The following TFB1M variants were observed in gnomAD, a reference collection of about 807,000 sequenced individuals.
The protein encoded by TFB1M is dimethyladenosine transferase 1, mitochondrial.
In TFB1M, 27 loss-of-function variants were observed where a neutral mutation model predicts 31.1. That is an observed-to-expected ratio of 0.87 (90% CI 0.64 to 1.20). The LOEUF (loss-of-function observed/expected upper bound fraction) is 1.20, where lower values mean the gene tolerates loss of function less well. Among genes scored for constraint, TFB1M ranks in the 50% most tolerant of loss-of-function variants. TFB1M has a pLI of 0.00. For missense variants in TFB1M, 394 were observed against 418.7 expected (o/e 0.94, Z 0.51); for synonymous variants, 166 against 151.8 (o/e 1.09, Z -0.69).
rs755092601 is a variant in TFB1M at position 155,276,084 on chromosome 6, G to C, written c.666+9074C>G. 3.7e-6 allele frequency: 6 copies of C among 1,614,154 alleles called. No homozygotes were observed. The South Asian group carries it at 6.6e-5, about 18-fold the overall frequency. Reference sequence around the variant, plus strand: ...AAGAGCCATGCTTCCTTTGCTGGAGGAGTCTGTTTCATGTCTGCAGGAATC... The same window carrying C: ...AAGAGCCATGCTTCCTTTGCTGGAGCAGTCTGTTTCATGTCTGCAGGAATC... On this transcript the variant is annotated intron_variant, in intron 5 of 6. Coordinates refer to ENST00000367166, the MANE Select transcript of TFB1M (RefSeq NM_016020.4).
chr6:155,261,612 G>A (rs918396163), intron 5 of TFB1M, among the ~76,000 whole-genome samples: 1 of 152,140 alleles, frequency 6.6e-6, no homozygotes, highest in Non-Finnish European at 1.5e-5. Flanking sequence ...TGACGCGCTT[G>A]TGGGAGGTGC....
intron 2 of TFB1M, among the ~76,000 whole-genome samples, chr6:155,308,635 T>G (rs112310751): frequency 0.012 from 1,855 of 152,284 alleles, 32 homozygotes; most frequent in Non-Finnish European, 0.015. Context: ...CTAGACATGT[T>G]TTTCTTACCT....
downstream of TFB1M, chr6:155,254,948 C>A: frequency 1.2e-5 from 2 of 168,792 alleles, no homozygotes; most frequent in South Asian, 1.8e-4. Context: ...CAGAGGGTCT[C>A]CACCTTCTGA....
the TFB1M span, among the ~76,000 whole-genome samples, chr6:155,243,175 G>A: frequency 6.6e-6 from 1 of 152,218 alleles, no homozygotes; most frequent in Non-Finnish European, 1.5e-5. Context: ...CATTAGAGCT[G>A]CAGCTCTGTG....
the TFB1M span, among the ~76,000 whole-genome samples, chr6:155,235,150 T>A: frequency 3.3e-5 from 5 of 152,188 alleles, no homozygotes; most frequent in Non-Finnish European, 7.4e-5. Context: ...TGGAGAGTCA[T>A]GGTAAAGCTG....
At chr6:155,287,404 C>T (rs189968623) in intron 4 of TFB1M, among the ~76,000 whole-genome samples, 12 of 151,562 alleles carry the variant, frequency 7.9e-5, no homozygotes, top group East Asian at 3.9e-4. Context: ...AACATGTGAA[C>T]GAAAAAATAA....
intron 5 of TFB1M, among the ~76,000 whole-genome samples, chr6:155,276,984 T>C (rs777699595): frequency 2.5e-4 from 38 of 152,226 alleles, no homozygotes; most frequent in Non-Finnish European, 3.8e-4. Flanking sequence ...ATATGCAAAC[T>C]AAGATTAGGC....
chr6:155,257,130 A>T lies in TFB1M; in HGVS notation c.*706T>A. On this transcript the variant is annotated 3_prime_UTR_variant, in exon 7 of 7. Transcript: ENST00000367166. ...GCCACGGAAAATCATAGTATGATTC[A>T]ATCCAGATATGGGTTAAATTCCTCA... 1 of 1,613,246 alleles carries T rather than the reference A, an allele frequency of 6.2e-7. No individual in the cohort carries two copies. The highest frequency in any genetic ancestry group is 1.1e-5 in the South Asian group (1 of 91,004).
intron 5 of TFB1M, among the ~76,000 whole-genome samples, chr6:155,267,275 G>T (rs1190460102): frequency 6.6e-6 from 1 of 152,212 alleles, no homozygotes; most frequent in Non-Finnish European, 1.5e-5. Flanking sequence ...ACACCTGGCC[G>T]TAGAATATGG....
At chr6:155,248,475 C>T in the TFB1M span, among the ~76,000 whole-genome samples, 127 of 152,312 alleles carry the variant, frequency 8.3e-4, no homozygotes, top group African/African-American at 2.9e-3. Context: ...AGTAAATTAC[C>T]TCAGGTCACG....
intron 5 of TFB1M, chr6:155,264,050 G>A (rs1362991602): frequency 6.6e-6 from 1 of 152,228 alleles, no homozygotes; most frequent in East Asian, 1.9e-4. Flanking sequence ...AGACCTGGGT[G>A]GTTGGGAACA....
At chr6:155,249,178 G>C in the TFB1M span, among the ~76,000 whole-genome samples, 2 of 152,162 alleles carry the variant, frequency 1.3e-5, no homozygotes. Flanking sequence ...AAAGAATACT[G>C]AATTTAGAAG....
chr6:155,284,898 A>G (rs1776555049), intron 5 of TFB1M, among the ~76,000 whole-genome samples: 1 of 152,234 alleles, frequency 6.6e-6, no homozygotes, highest in African/African-American at 2.4e-5. Flanking sequence ...TAACATCATG[A>G]AGATGAAGAT....
rs1562406316 is a variant in TFB1M, at chr6:155,285,241, G to A, written c.583C>T (p.Arg195Cys). ...AANTGSKQRS[R>C]LSVMAQYLCN... ...AGGTACTGAGCCATAACAGAGAGGC[G>A]ACTACGCTGTTTGCTTCCTGTATTG... Residue 195 changes from arginine (R) to cysteine (C), a missense_variant, in exon 5 of 7, where the codon CGC becomes TGC. By Grantham distance (180) the Arg-to-Cys change is radical. Coordinates refer to ENST00000367166, the MANE Select transcript of TFB1M (RefSeq NM_016020.4). The A allele has an allele frequency of 4.3e-6, 7 of 1,613,970 alleles. No individual in the cohort carries two copies. The highest frequency in any genetic ancestry group is 5.9e-6 in the Non-Finnish European group (7 of 1,179,870).
At chr6:155,238,683 C>A in the TFB1M span, among the ~76,000 whole-genome samples, 1 of 152,262 alleles carries the variant, frequency 6.6e-6, no homozygotes, top group African/African-American at 2.4e-5. Flanking sequence ...TCCTGGACAA[C>A]CGATTCTAAA....
chr6:155,296,426 ATT>A (rs71023639), intron 4 of TFB1M, among the ~76,000 whole-genome samples: 2,142 of 103,396 alleles, frequency 0.021, 15 homozygotes, highest in African/African-American at 0.034. Context: ...CACCCAGCTA[ATT>A]TTTTTTTTTT....
chr6:155,308,284 T>A (rs535005207), intron 2 of TFB1M, among the ~76,000 whole-genome samples: 1 of 152,346 alleles, frequency 6.6e-6, no homozygotes, highest in East Asian at 1.9e-4. Context: ...AATGTTTCCA[T>A]AGCACTGGAG....
chr6:155,252,798 C>T (rs1202227836), downstream of TFB1M: 5 of 640,208 alleles, frequency 7.8e-6, no homozygotes, highest in East Asian at 2.8e-5. Flanking sequence ...GAACTGGGTG[C>T]GTAGCTGATT....
chr6:155,259,303 C>T (rs1784282010), intron 6 of TFB1M, among the ~76,000 whole-genome samples: 1 of 152,154 alleles, frequency 6.6e-6, no homozygotes, highest in Non-Finnish European at 1.5e-5. Context: ...CAGCTCTGCA[C>T]CTTAAGTCTC....
Sources: gnomAD v4.1 joint callset for allele counts (sites outside exome capture counted in the v4.1 genomes callset) on GRCh38, gnomAD v4.1.1 for gene constraint, MANE v1.5 for transcripts, NCBI Gene and HGNC (gene_info 2026-07-23, HGNC 2026-07-21) for gene names.